The following LAMC2 variants were observed in gnomAD, a reference collection of about 807,000 sequenced individuals.
LAMC2 encodes the protein laminin subunit gamma 2.
A neutral mutation model predicts 140.2 loss-of-function variants in LAMC2; 97 were observed. The ratio of observed to expected loss-of-function variants is 0.69; its 90% CI spans 0.59 to 0.82. The LOEUF is 0.82. Ranked by LOEUF, LAMC2 falls within the 40% of genes least tolerant of loss-of-function variation. LAMC2 has a pLI of 0.00. For synonymous variants in LAMC2, 513 were observed against 540.2 expected (o/e 0.95, Z 0.70); for missense variants, 1,402 against 1,476.1 (o/e 0.95, Z 0.82).
At chr1:183,237,621 G>A in intron 18 of LAMC2, 117 bp downstream of exon 18, 1 of 1,064,186 alleles carries the variant, frequency 9.4e-7, no homozygotes, top group East Asian at 2.6e-5. Context: ...ACTTATCCCT[G>A]TAATCCCCGC....
chr1:183,215,352 C>T (rs1006053044), intron 2 of LAMC2, 101 bp from the exon 3 acceptor site: 17 of 1,322,466 alleles, frequency 1.3e-5, no homozygotes, highest in East Asian at 9.4e-5. Context: ...CTTCTTACTT[C>T]GTGTTTACGG....
At chr1:183,207,657 C>A (rs1658930141) in intron 1 of LAMC2, among the ~76,000 whole-genome samples, 1 of 152,138 alleles carries the variant, frequency 6.6e-6, no homozygotes, top group Admixed American at 6.5e-5. Flanking sequence ...CAGACAGCAG[C>A]CCACCAGCAT....
chr1:183,230,903 C>T, intron 11 of LAMC2, 58 bp from the exon 12 acceptor site: 3 of 1,600,788 alleles, frequency 1.9e-6, no homozygotes, highest in Non-Finnish European at 2.6e-6. Context: ...TATCTTTGCT[C>T]TACCTCCACT....
At chr1:183,201,858 A>T (rs1278379107) in intron 1 of LAMC2, among the ~76,000 whole-genome samples, 1 of 152,260 alleles carries the variant, frequency 6.6e-6, no homozygotes, top group Non-Finnish European at 1.5e-5. Context: ...CCAAAATAAA[A>T]GAATTATGGG....
At position 183,228,575 on chromosome 1, in the gene LAMC2, A is replaced by G; in HGVS notation, c.1670A>G (p.Tyr557Cys). ...TACTGCGACCAGTGCAAAGCAGGCT[A>G]CTTCGGGGACCCATTGGCTCCCAAC... ...GIYCDQCKAG[Y>C]FGDPLAPNPA... The change falls in exon 11 of 23, where the codon TAC (tyrosine) becomes TGC (cysteine). Residue 557 changes from tyrosine (Y) to cysteine (C), a missense_variant. By Grantham distance (194) the Tyr-to-Cys change is radical. Coordinates refer to ENST00000264144, the MANE Select transcript of LAMC2 (RefSeq NM_005562.3). The surrounding 1 kb of genome is among the most constrained non-coding windows in gnomAD (Gnocchi z 4.3). The G allele has an allele frequency of 1.2e-6, 2 of 1,614,096 alleles. No homozygotes were observed. Among genetic ancestry groups the G allele is most frequent in the Non-Finnish European group, 1.7e-6 (2 of 1,180,024 alleles).
chr1:183,213,694 G>A (rs1659146283), intron 2 of LAMC2, among the ~76,000 whole-genome samples: 1 of 147,474 alleles, frequency 6.8e-6, no homozygotes, highest in Non-Finnish European at 1.5e-5. Flanking sequence ...CAGCTACTCA[G>A]GAGACTGAGG....
chr1:183,220,740 G>A (rs1043903298), intron 4 of LAMC2, 85 bp from the exon 5 acceptor site: 128 of 1,355,828 alleles, frequency 9.4e-5, no homozygotes, highest in Admixed American at 3.9e-4. Flanking sequence ...GGAAGAGAAG[G>A]TAGAGAGGCT....
chr1:183,235,601 A>G lies in LAMC2; in HGVS notation c.2327A>G (p.Glu776Gly), dbSNP rs750323078. 9.9e-6 allele frequency: 16 copies of G among 1,614,088 alleles called. No homozygotes were observed. The East Asian group carries it at 3.1e-4, about 31-fold the overall frequency. ...CACGTTGAGTCAGCCAGTAACATGG[A>G]GCAACTGACAAGGGAAACTGAGGAC... ...ESHVESASNM[E>G]QLTRETEDYS... is the part of the protein sequence containing the mutation. Residue 776 changes from glutamate (E) to glycine (G), a missense_variant, in exon 16 of 23, where the codon GAG becomes GGG. Transcript: ENST00000264144.
At chr1:183,255,189 GC>G in the LAMC2 span, among the ~76,000 whole-genome samples, 1 of 152,182 alleles carries the variant, frequency 6.6e-6, no homozygotes, top group East Asian at 1.9e-4. Context: ...TCTTTATTGT[GC>G]TTTTTTGGTA....
At chr1:183,216,355 C>A (rs1659256369) in intron 3 of LAMC2, among the ~76,000 whole-genome samples, 1 of 152,336 alleles carries the variant, frequency 6.6e-6, no homozygotes, top group African/African-American at 2.4e-5. Flanking sequence ...CCCCACTCCT[C>A]CTTTGTAACC....
chr1:183,186,481 C>T, intron 1 of LAMC2, 50 bp downstream of exon 1: 9 of 1,581,760 alleles, frequency 5.7e-6, no homozygotes, highest in Non-Finnish European at 7.7e-6. Context: ...TGAGAATCTG[C>T]CTTTCTCTGC....
At position 183,230,266 on chromosome 1, in the gene LAMC2, G is replaced by A. The variant is rs151118782; in HGVS notation, c.1715-695G>A. Reference sequence around the variant, plus strand: ...AGTCATCCCAACTCTCGAAGAGTCCGTATGATAATAAGGAAGATACACAAA... The same window carrying A: ...AGTCATCCCAACTCTCGAAGAGTCCATATGATAATAAGGAAGATACACAAA... On this transcript the variant is annotated intron_variant, in intron 11 of 22. Coordinates refer to ENST00000264144, the MANE Select transcript of LAMC2 (RefSeq NM_005562.3). Among the ~76,000 whole-genome samples the A allele has an allele frequency of 2.6e-3, 389 of 152,276 alleles. 4 individuals carry two copies. Among genetic ancestry groups the A allele is most frequent in the African/African-American group, 8.8e-3 (364 of 41,554 alleles).
intron 3 of LAMC2, among the ~76,000 whole-genome samples, chr1:183,216,876 C>T (rs73049761): frequency 0.016 from 2,405 of 149,698 alleles, 68 homozygotes; most frequent in African/African-American, 0.057. Flanking sequence ...GCTGCCCTTG[C>T]GATCCACACA....
intron 6 of LAMC2, among the ~76,000 whole-genome samples, chr1:183,222,717 A>G (rs1272456975): frequency 6.6e-6 from 1 of 152,142 alleles, no homozygotes; most frequent in Admixed American, 6.5e-5. Flanking sequence ...TCTGAACTTC[A>G]GTTTTCTCTA....
At chr1:183,254,383 A>G in the LAMC2 span, among the ~76,000 whole-genome samples, 1 of 152,104 alleles carries the variant, frequency 6.6e-6, no homozygotes, top group African/African-American at 2.4e-5. Context: ...TTTTTATGTC[A>G]TCTCTGGAGA....
chr1:183,214,037 C>CAAAA (rs72025893), intron 2 of LAMC2, among the ~76,000 whole-genome samples: 56 of 117,586 alleles, frequency 4.8e-4, no homozygotes, highest in African/African-American at 1.7e-3. Context: ...AACTTCGTCT[C>CAAAA]AAAAAAAAAA....
rs1660193150 is a variant in LAMC2 at position 183,244,084 on chromosome 1, T to C, written c.*684T>C. On this transcript the variant is annotated 3_prime_UTR_variant, in exon 23 of 23. Coordinates refer to ENST00000264144, the MANE Select transcript of LAMC2 (RefSeq NM_005562.3). ...CTGGGCATGACATCCTTTCTTTTAA[T>C]GATGCCATGGCAACTTAGAGATTGC... 6.6e-6 allele frequency: 1 copy of C among 152,358 alleles called. No homozygotes were observed. Among genetic ancestry groups the C allele is most frequent in the Non-Finnish European group, 1.5e-5 (1 of 68,106 alleles). The allele number at this position is 152,358 out of a possible 1,614,324, so 9.4% of individuals were successfully genotyped here.
rs1483034513 is a variant in LAMC2 at position 183,223,175 on chromosome 1, C to G, written c.804C>G (p.Ser268Arg). The change falls in exon 7 of 23, where the codon AGC becomes AGG. Residue 268 changes from serine (S) to arginine (R), a missense_variant. By Grantham distance (110) the Ser-to-Arg change is moderately radical. Coordinates refer to ENST00000264144, the MANE Select transcript of LAMC2 (RefSeq NM_005562.3). ...ATCAACAGGTGAGCTATGGTCAAAG[C>G]CTGTCCTTTGACTACCGTGTGGACA... is the stretch of plus-strand genomic sequence containing the variant. ...LGNQQVSYGQSLSFDYRVDRG... is the reference protein window; with the variant it reads ...LGNQQVSYGQRLSFDYRVDRG... 2 of 1,614,140 alleles carry G rather than the reference C, an allele frequency of 1.2e-6. No homozygotes were observed. The highest frequency in any genetic ancestry group is 1.7e-6 in the Non-Finnish European group (2 of 1,180,020).
At chr1:183,234,470 C>G in intron 15 of LAMC2, 24 bp downstream of exon 15, 1 of 1,577,932 alleles carries the variant, frequency 6.3e-7, no homozygotes, top group Non-Finnish European at 8.7e-7. Context: ...GAGGGCACCT[C>G]TGCTTCAAGC....
Sources: gnomAD v4.1 joint callset for allele counts (sites outside exome capture counted in the v4.1 genomes callset) on GRCh38, gnomAD v4.1.1 for gene constraint, Gnocchi (gnomAD v3.1) non-coding constraint, MANE v1.5 for transcripts, NCBI Gene and HGNC (gene_info 2026-07-23, HGNC 2026-07-21) for gene names.